ZNF844: variants seen among roughly 807,000 people sequenced by gnomAD.
The protein encoded by ZNF844 is zinc finger protein 844.
A neutral mutation model predicts 11.4 loss-of-function variants in ZNF844; 11 were observed. That is an observed-to-expected ratio of 0.97 (90% CI 0.61 to 1.60). The LOEUF is 1.60. ZNF844 is among the 40% of genes most tolerant of loss of function. The pLI, the probability that ZNF844 is intolerant of heterozygous loss-of-function variation, is 0.00. For missense variants in ZNF844, 790 were observed against 796.8 expected (o/e 0.99, Z 0.10); for synonymous variants, 248 against 260.3 (o/e 0.95, Z 0.46).
chr19:12,069,185 T>TG (rs1036762679), intron 1 of ZNF844, among the ~76,000 whole-genome samples: 1 of 145,436 alleles, frequency 6.9e-6, no homozygotes, highest in African/African-American at 2.6e-5. Flanking sequence ...ATTCCTTTTT[T>TG]TTTTTTTTTT....
At chr19:12,064,902 C>T (rs1225256117) in intron 1 of ZNF844, 26 bp downstream of exon 1, 6 of 1,548,554 alleles carry the variant, frequency 3.9e-6, no homozygotes, top group Non-Finnish European at 4.4e-6. Context: ...CGCTGGGAGT[C>T]CCGAGACTTG....
At chr19:12,072,395 A>G (rs1187310964) in intron 1 of ZNF844, among the ~76,000 whole-genome samples, 1 of 152,048 alleles carries the variant, frequency 6.6e-6, no homozygotes, top group Admixed American at 6.6e-5. Context: ...TATGAATTGA[A>G]TATAAATAGA....
At chr19:12,073,841 G>A (rs555141834) in intron 1 of ZNF844, among the ~76,000 whole-genome samples, 190 bp from the exon 2 acceptor site, 3 of 152,328 alleles carry the variant, frequency 2.0e-5, no homozygotes, top group Admixed American at 2.0e-4. Context: ...TTATTGCTTA[G>A]TTCTGTTCCA....
intron 1 of ZNF844, among the ~76,000 whole-genome samples, chr19:12,067,990 A>AGGAAGGAAGGAAGG (rs1568357660): frequency 1.2e-4 from 18 of 150,264 alleles, no homozygotes; most frequent in East Asian, 2.0e-4. Context: ...GAAGGAAAGA[A>AGGAAGGAAGGAAGG]AATTAAAAAT....
chr19:12,078,804 A>T lies in ZNF844; in HGVS notation c.*1683A>T, dbSNP rs1440506121. 1 of 152,376 alleles carries T rather than the reference A, an allele frequency of 6.6e-6. No homozygotes were observed. Among genetic ancestry groups the T allele is most frequent in the Non-Finnish European group, 1.5e-5 (1 of 68,056 alleles). 9.4% of individuals were successfully genotyped at this position (152,376 alleles called of 1,614,324 possible). On this transcript the variant is annotated 3_prime_UTR_variant, in exon 4 of 4. Coordinates refer to ENST00000439326, the MANE Select transcript of ZNF844 (RefSeq NM_001136501.3). ...GAAAGCATTTTCTGATCTGAGTGGC[A>T]TTGAAACCCACATGGTATTGCACAT... is the stretch of plus-strand genomic sequence containing the variant.
chr19:12,069,178 C>CGTTTTTTTTTTTTTTTTTTTTTT (rs760998604), intron 1 of ZNF844, among the ~76,000 whole-genome samples: 4 of 137,478 alleles, frequency 2.9e-5, no homozygotes, highest in African/African-American at 6.0e-5. Flanking sequence ...TTCTTTTATT[C>CGTTTTTTTTTTTTTTTTTTTTTT]CTTTTTTTTT....
chr19:12,067,677 G>A (rs1402061578), intron 1 of ZNF844, among the ~76,000 whole-genome samples: 1 of 150,670 alleles, frequency 6.6e-6, no homozygotes, highest in Non-Finnish European at 1.5e-5. Flanking sequence ...AGCACTTTGG[G>A]AGGCCGAGGT....
chr19:12,069,178 CCTTTTT>C (rs1402318893), intron 1 of ZNF844, among the ~76,000 whole-genome samples: 2 of 137,478 alleles, frequency 1.5e-5, no homozygotes, highest in African/African-American at 6.0e-5. Flanking sequence ...TTCTTTTATT[CCTTTTT>C]TTTTTTTTTT....
rs1313341412 is a variant in ZNF844, at chr19:12,076,891, G to A, written c.1771G>A (p.Val591Met). ...EDRMPMNVKS[V>M]TKHSYLPRSF... ...CAGAATGCCTATGAATGTAAAGAGT[G>A]TGACAAAGCATTCATATCTGCCAAG... is the stretch of plus-strand genomic sequence containing the variant. The change falls in exon 4 of 4, where the codon GTG becomes ATG. Residue 591 changes from valine (V) to methionine (M), a missense_variant. By Grantham distance (21) the Val-to-Met change is conservative. This residue lies in a region of ZNF844 where 657 missense variants were observed against 636.2 expected (regional missense o/e 1.03). Coordinates refer to ENST00000439326, the MANE Select transcript of ZNF844 (RefSeq NM_001136501.3). 6.4e-7 allele frequency: 1 copy of A among 1,574,346 alleles called. No homozygotes were observed. Among genetic ancestry groups the A allele is most frequent in the African/African-American group, 1.4e-5 (1 of 73,314 alleles).
At chr19:12,068,877 C>G (rs569809246) in intron 1 of ZNF844, among the ~76,000 whole-genome samples, 1 of 152,122 alleles carries the variant, frequency 6.6e-6, no homozygotes, top group Non-Finnish European at 1.5e-5. Flanking sequence ...CCAGTGACTG[C>G]AAGCTAAGGT....
At chr19:12,071,641 C>CAT (rs374513049) in intron 1 of ZNF844, among the ~76,000 whole-genome samples, 29 of 151,464 alleles carry the variant, frequency 1.9e-4, no homozygotes, top group African/African-American at 7.0e-4. Flanking sequence ...TGGCCCTTTT[C>CAT]ATATATCTTG....
At chr19:12,071,587 T>C (rs914960345) in intron 1 of ZNF844, among the ~76,000 whole-genome samples, 20 of 152,196 alleles carry the variant, frequency 1.3e-4, no homozygotes, top group African/African-American at 4.8e-4. Flanking sequence ...TATAAATCCT[T>C]GTGCCTGATG....
At chr19:12,066,999 T>C (rs1315462978) in intron 1 of ZNF844, among the ~76,000 whole-genome samples, 2 of 152,098 alleles carry the variant, frequency 1.3e-5, no homozygotes, top group African/African-American at 4.8e-5. Flanking sequence ...ATCATGGAAA[T>C]AGTAATAAAA....
intron 1 of ZNF844, among the ~76,000 whole-genome samples, chr19:12,068,893 A>ACTTGAT (rs1237112826): frequency 6.6e-6 from 1 of 152,128 alleles, no homozygotes; most frequent in Non-Finnish European, 1.5e-5. Context: ...AAGGTCAATC[A>ACTTGAT]GAAGCCTGCA....
At chr19:12,069,734 C>T (rs1975732780) in intron 1 of ZNF844, among the ~76,000 whole-genome samples, 1 of 150,882 alleles carries the variant, frequency 6.6e-6, no homozygotes, top group East Asian at 2.0e-4. Flanking sequence ...GTGGGTGGAT[C>T]ACCTGAGGTC....
At chr19:12,067,635 G>T (rs913836526) in intron 1 of ZNF844, among the ~76,000 whole-genome samples, 6 of 112,948 alleles carry the variant, frequency 5.3e-5, no homozygotes, top group African/African-American at 2.0e-4. Context: ...AAAAAAAAAA[G>T]GCCGGGCGCG....
rs1975844483 is a variant in ZNF844 at position 12,077,536 on chromosome 19, G to A, written c.*415G>A. The A allele has an allele frequency of 3.3e-6, 2 of 610,250 alleles. No homozygotes were observed. Among genetic ancestry groups the A allele is most frequent in the Non-Finnish European group, 6.2e-6 (2 of 323,056 alleles). 37.8% of individuals were successfully genotyped at this position (610,250 alleles called of 1,614,324 possible). Reference sequence around the variant, plus strand: ...CGATATCATGAAAGGACTCACACTGGAGAGAAACCCTATGAATGTAAGCAG... The same window carrying A: ...CGATATCATGAAAGGACTCACACTGAAGAGAAACCCTATGAATGTAAGCAG... On this transcript the variant is annotated 3_prime_UTR_variant, in exon 4 of 4. Transcript: ENST00000439326.
At chr19:12,065,258 T>A (rs1975675257) in intron 1 of ZNF844, among the ~76,000 whole-genome samples, 1 of 152,062 alleles carries the variant, frequency 6.6e-6, no homozygotes, top group African/African-American at 2.4e-5. Flanking sequence ...AGGCCCTCAG[T>A]GCCCCCTTTC....
At chr19:12,073,399 G>A (rs1051027281) in intron 1 of ZNF844, among the ~76,000 whole-genome samples, 4 of 151,772 alleles carry the variant, frequency 2.6e-5, no homozygotes, top group Admixed American at 6.6e-5. Flanking sequence ...CAAGCGATCC[G>A]CACGCCTCAG....
Sources: gnomAD v4.1 joint callset for allele counts (sites outside exome capture counted in the v4.1 genomes callset) on GRCh38, gnomAD v4.1.1 for gene constraint, gnomAD v4.1.1 regional missense constraint, MANE v1.5 for transcripts, NCBI Gene and HGNC (gene_info 2026-07-23, HGNC 2026-07-21) for gene names.